Variants in SNTB1 observed in about 807,000 individuals in gnomAD.
SNTB1 encodes the protein syntrophin beta 1.
A neutral mutation model predicts 48.9 loss-of-function variants in SNTB1; 36 were observed. That is an observed-to-expected ratio of 0.74 (90% CI 0.56 to 0.97). The LOEUF is 0.97. Among genes scored for constraint, SNTB1 ranks in the 50% least tolerant of loss-of-function variants. The pLI is 0.00. For missense variants in SNTB1, 786 were observed against 703.4 expected, an observed-to-expected ratio of 1.12 and a Z score of -1.33; for synonymous variants, 299 against 294.6, an observed-to-expected ratio of 1.01 and a Z score of -0.15.
chr8:120,793,987 T>G (rs1043112498), intron 1 of SNTB1, among the ~76,000 whole-genome samples: 1 of 152,054 alleles, frequency 6.6e-6, no homozygotes, highest in African/African-American at 2.4e-5. Context: ...TAAATGTTTT[T>G]ATACTGTAGA....
intron 1 of SNTB1, among the ~76,000 whole-genome samples, chr8:120,695,982 C>T (rs1357139290): frequency 6.6e-6 from 1 of 152,168 alleles, no homozygotes; most frequent in East Asian, 1.9e-4. Context: ...GGAACACAGA[C>T]ATACTCATGA....
intron 2 of SNTB1, among the ~76,000 whole-genome samples, chr8:120,672,816 C>G (rs1463350435): frequency 6.6e-6 from 1 of 152,186 alleles, no homozygotes; most frequent in Non-Finnish European, 1.5e-5. Flanking sequence ...CAAATCCATT[C>G]CTTGCACTTT....
rs140668169 is a variant in SNTB1, at chr8:120,650,167, C to G, written c.789-17516G>C. On this transcript the variant is annotated intron_variant, in intron 2 of 6. Transcript: ENST00000517992. ...CTGGGAGCTGTAGACCGGAGCTGTT[C>G]CTATTCGGCCATCTTGGCTCTGGTT... is the stretch of plus-strand genomic sequence containing the variant. Among the ~76,000 whole-genome samples, 510 of 152,350 alleles carry G rather than the reference C, an allele frequency of 3.3e-3. 12 individuals are homozygous for G. The East Asian group carries it at 0.057, about 17-fold the overall frequency.
At chr8:120,586,073 G>A (rs11783124) in intron 3 of SNTB1, among the ~76,000 whole-genome samples, 1 of 152,162 alleles carries the variant, frequency 6.6e-6, no homozygotes, top group African/African-American at 2.4e-5. Context: ...GAACCTTCTA[G>A]AAAAGGAGTC....
At chr8:120,703,884 G>A (rs4609235) in intron 1 of SNTB1, among the ~76,000 whole-genome samples, 15,881 of 152,212 alleles carry the variant, frequency 0.1, 1,018 homozygotes, top group East Asian at 0.2. Flanking sequence ...ATGCTCATTA[G>A]GGAGCAATTC....
chr8:120,613,436 T>C (rs528517963), intron 3 of SNTB1, among the ~76,000 whole-genome samples: 73 of 152,100 alleles, frequency 4.8e-4, no homozygotes, highest in Non-Finnish European at 6.8e-4. Flanking sequence ...TGGTAGTTAC[T>C]AGAGGCTGGG....
intron 1 of SNTB1, among the ~76,000 whole-genome samples, chr8:120,760,778 A>G (rs1435361532): frequency 6.6e-6 from 1 of 152,146 alleles, no homozygotes; most frequent in African/African-American, 2.4e-5. Context: ...CTGACCTGGA[A>G]AAAGGGAAAT....
At chr8:120,584,220 T>A (rs1224905864) in intron 3 of SNTB1, among the ~76,000 whole-genome samples, 2 of 152,012 alleles carry the variant, frequency 1.3e-5, no homozygotes, top group Non-Finnish European at 2.9e-5. Flanking sequence ...GGCGGGCAGA[T>A]CACCTGAGGT....
intron 1 of SNTB1, among the ~76,000 whole-genome samples, chr8:120,809,905 C>T (rs567308628): frequency 1.3e-5 from 2 of 152,286 alleles, no homozygotes; most frequent in African/African-American, 4.8e-5. Context: ...GGAGGTGGAC[C>T]GTGACATACC....
chr8:120,709,012 G>T (rs1484154270), intron 1 of SNTB1, among the ~76,000 whole-genome samples: 1 of 150,672 alleles, frequency 6.6e-6, no homozygotes, highest in South Asian at 2.1e-4. Flanking sequence ...CAATGTATAA[G>T]GATTGGAAGG....
intron 3 of SNTB1, among the ~76,000 whole-genome samples, chr8:120,589,521 C>T (rs941505602): frequency 2.0e-5 from 3 of 152,184 alleles, no homozygotes; most frequent in African/African-American, 7.2e-5. Context: ...TAACAAATTA[C>T]CATAGACTGA....
At chr8:120,659,588 T>C (rs1374055752) in intron 2 of SNTB1, among the ~76,000 whole-genome samples, 1 of 152,188 alleles carries the variant, frequency 6.6e-6, no homozygotes, top group Admixed American at 6.5e-5. Flanking sequence ...AAATCACACA[T>C]GTTTTTAATG....
At chr8:120,614,995 A>G (rs1184859306) in intron 3 of SNTB1, among the ~76,000 whole-genome samples, 1 of 150,818 alleles carries the variant, frequency 6.6e-6, no homozygotes, top group Admixed American at 6.6e-5. Flanking sequence ...AAAAAAAAAA[A>G]AAAAAATTAG....
At chr8:120,784,134 C>T (rs577736649) in intron 1 of SNTB1, among the ~76,000 whole-genome samples, 15 of 152,228 alleles carry the variant, frequency 9.9e-5, no homozygotes, top group African/African-American at 3.4e-4. Context: ...GCTGGGATTA[C>T]AGGCACCCAC....
chr8:120,676,978 C>T (rs1393862904), intron 2 of SNTB1, among the ~76,000 whole-genome samples: 3 of 151,142 alleles, frequency 2.0e-5, no homozygotes, highest in South Asian at 2.1e-4. Context: ...GTGGGAGAAT[C>T]GCTGGAGCCC....
At chr8:120,600,895 G>C (rs539887447) in intron 3 of SNTB1, among the ~76,000 whole-genome samples, 2 of 152,084 alleles carry the variant, frequency 1.3e-5, no homozygotes, top group African/African-American at 4.8e-5. Flanking sequence ...GGCACAATGA[G>C]AGTCCAGCCC....
intron 2 of SNTB1, among the ~76,000 whole-genome samples, chr8:120,645,438 T>G (rs987994572): frequency 6.6e-6 from 1 of 151,234 alleles, no homozygotes; most frequent in South Asian, 2.1e-4. Context: ...CCCCATTGCT[T>G]GTTTTTCTCA....
At chr8:120,691,747 T>A (rs951792073) in intron 2 of SNTB1, among the ~76,000 whole-genome samples, 1 of 151,618 alleles carries the variant, frequency 6.6e-6, no homozygotes, top group Non-Finnish European at 1.5e-5. Context: ...TTAGACTATT[T>A]AAAAAAAAAC....
At chr8:120,560,919 C>T (rs1180092137) in intron 4 of SNTB1, among the ~76,000 whole-genome samples, 1 of 152,148 alleles carries the variant, frequency 6.6e-6, no homozygotes, top group Admixed American at 6.5e-5. Context: ...TAGGATCCCA[C>T]AGTTAGTGTC....
Sources: gnomAD v4.1 joint callset for allele counts (sites outside exome capture counted in the v4.1 genomes callset) on GRCh38, gnomAD v4.1.1 for gene constraint, MANE v1.5 for transcripts, NCBI Gene and HGNC (gene_info 2026-07-23, HGNC 2026-07-21) for gene names.